Variants in RABGAP1 observed in about 807,000 individuals in gnomAD.
The protein encoded by RABGAP1 is RAB GTPase activating protein 1.
Under a neutral mutation model 137.6 loss-of-function variants are expected in RABGAP1, and 23 were observed. The observed-to-expected ratio is 0.17, with a 90% CI of 0.12 to 0.24. RABGAP1 has a LOEUF of 0.24. RABGAP1 is among the 10% of genes least tolerant of loss of function. The pLI, the probability that RABGAP1 is intolerant of heterozygous loss-of-function variation, is 1.00. For missense variants in RABGAP1, 906 were observed against 1,275.8 expected (o/e 0.71, Z 4.42); for synonymous variants, 451 against 450.7 (o/e 1.00, Z -0.01).
At position 122,945,147 on chromosome 9, in the gene RABGAP1, C is replaced by CTTTTTTTTTTTTTTTT. The variant is rs202090815; in HGVS notation, c.-50+4055_-50+4070dup. ...CACCATGTATACATCATAGCTGTTG[C>CTTTTTTTTTTTTTTTT]TTTTTTTTTTTTTTTTAGCATAAAC... is the stretch of plus-strand genomic sequence containing the variant. On this transcript the variant is annotated intron_variant, in intron 1 of 25. Coordinates refer to ENST00000373647, the MANE Select transcript of RABGAP1 (RefSeq NM_012197.4). Among the ~76,000 whole-genome samples, 133 of 75,796 alleles carry CTTTTTTTTTTTTTTTT rather than the reference C, an allele frequency of 1.8e-3. 31 individuals carry two copies. The highest frequency in any genetic ancestry group is 2.7e-3 in the African/African-American group (66 of 24,712). 49.7% of individuals were successfully genotyped at this position (75,796 alleles called of 152,430 possible).
chr9:122,959,565 G>A (rs1834739473), intron 2 of RABGAP1, among the ~76,000 whole-genome samples: 1 of 152,100 alleles, frequency 6.6e-6, no homozygotes, highest in African/African-American at 2.4e-5. Context: ...TACAGCAAAT[G>A]AAAAAACATT....
chr9:123,055,153 T>A (rs1488579585), intron 13 of RABGAP1, among the ~76,000 whole-genome samples: 2 of 152,184 alleles, frequency 1.3e-5, no homozygotes, highest in Non-Finnish European at 2.9e-5. Flanking sequence ...ATTTATTCAA[T>A]CATTTATTTA....
In RABGAP1 at chr9:123,070,473, TTA is replaced by T; in HGVS notation, c.1983+52_1983+53del. ...GACTTAACACATGGCCTCCCTCAGC[TTA>T]TACTAACCTTAGGCTTGAGCATGGT... On this transcript the variant is annotated intron_variant, in intron 15 of 25. Transcript: ENST00000373647. This position sits in a 1 kb window ranked among gnomAD's most constrained non-coding sequence, Gnocchi z 4.4. 1 of 1,613,264 alleles carries T rather than the reference TTA, an allele frequency of 6.2e-7. No individual in the cohort carries two copies. Among genetic ancestry groups the T allele is most frequent in the Non-Finnish European group, 8.5e-7 (1 of 1,179,630 alleles).
At chr9:123,046,724 G>A (rs556558037) in intron 13 of RABGAP1, among the ~76,000 whole-genome samples, 1 of 152,220 alleles carries the variant, frequency 6.6e-6, no homozygotes, top group South Asian at 2.1e-4. Flanking sequence ...GAAGTTTTAA[G>A]TTGAGATATA....
rs774495287 is a variant in RABGAP1 at position 123,020,346 on chromosome 9, T to A, written c.1681T>A (p.Ser561Thr). 3.0e-5 allele frequency: 48 copies of A among 1,598,384 alleles called. No individual in the cohort carries two copies. In the East Asian group the frequency reaches 1.1e-3, roughly 35 times the overall value. ...NLNVRPKQLS[S>T]LVRNGVPEAL... ...GAATGTGAGACCGAAGCAGTTGTCATCCTTAGTAAGAAACGGTGTCCCTGA... is the reference window on the plus strand; with the variant it reads ...GAATGTGAGACCGAAGCAGTTGTCAACCTTAGTAAGAAACGGTGTCCCTGA... The change falls in exon 13 of 26, where the codon TCC (serine) becomes ACC (threonine). Residue 561 changes from serine to threonine, a missense_variant. By Grantham distance (58) the Ser-to-Thr change is moderately conservative. This residue lies in a region of RABGAP1 where 212 missense variants were observed against 289.4 expected (regional missense o/e 0.73). Transcript: ENST00000373647.
At chr9:123,037,697 T>C (rs533445658) in intron 13 of RABGAP1, among the ~76,000 whole-genome samples, 40 of 152,316 alleles carry the variant, frequency 2.6e-4, no homozygotes, top group Middle Eastern at 3.4e-3. Flanking sequence ...AAAATTGATA[T>C]TAAATCAGCA....
In RABGAP1 at chr9:122,998,599, A is replaced by G. The variant is rs747446893; in HGVS notation, c.1207A>G (p.Lys403Glu). The G allele has an allele frequency of 2.5e-6, 4 of 1,577,470 alleles. No homozygotes were observed. Among genetic ancestry groups the G allele is most frequent in the Non-Finnish European group, 3.5e-6 (4 of 1,157,670 alleles). ...QVVNEETPKD[K>E]VLFMTTAVDL... ...AGCCTCTCTCTTTCTTTGTTTAGAT[A>G]AAGTCCTGTTTATGACCACAGCTGT... The change falls in exon 10 of 26, where the codon AAA becomes GAA. Residue 403 changes from lysine (K) to glutamate (E), a missense_variant and splice_region_variant. Coordinates refer to ENST00000373647, the MANE Select transcript of RABGAP1 (RefSeq NM_012197.4).
chr9:122,989,962 A>G (rs777405730), intron 5 of RABGAP1, 94 bp from the exon 6 acceptor site: 21 of 1,316,828 alleles, frequency 1.6e-5, no homozygotes, highest in Non-Finnish European at 2.1e-5. Flanking sequence ...GATAAAGATA[A>G]TTATTGCCCT....
chr9:122,998,019 A>G (rs1198303136), intron 9 of RABGAP1, among the ~76,000 whole-genome samples: 1 of 152,206 alleles, frequency 6.6e-6, no homozygotes. Flanking sequence ...GATGAGGGTG[A>G]CATAAAGAAG....
intron 25 of RABGAP1, 147 bp downstream of exon 25, chr9:123,101,910 G>C (rs2035357648): frequency 1.1e-5 from 9 of 802,018 alleles, no homozygotes; most frequent in Non-Finnish European, 1.7e-5. Flanking sequence ...TATAGGACTT[G>C]TTACTGGCCA....
At chr9:122,932,742 G>T in the RABGAP1 span, among the ~76,000 whole-genome samples, 2 of 151,272 alleles carry the variant, frequency 1.3e-5, no homozygotes, top group Admixed American at 1.3e-4. Flanking sequence ...GTGTTGGTCA[G>T]GCTGGTGTCG....
chr9:123,073,023 G>A (rs2034404643), intron 15 of RABGAP1, among the ~76,000 whole-genome samples: 1 of 152,176 alleles, frequency 6.6e-6, no homozygotes, highest in South Asian at 2.1e-4. Context: ...ATTACTGCAA[G>A]CCTTAGAATA....
intron 13 of RABGAP1, among the ~76,000 whole-genome samples, chr9:123,058,829 G>C (rs867866056): frequency 6.6e-6 from 1 of 152,166 alleles, no homozygotes; most frequent in South Asian, 2.1e-4. Context: ...TGTTAACTGG[G>C]AGCCACCAGC....
intron 24 of RABGAP1, among the ~76,000 whole-genome samples, chr9:123,100,075 C>T (rs1341523155): frequency 6.6e-6 from 1 of 152,184 alleles, no homozygotes; most frequent in Non-Finnish European, 1.5e-5. Context: ...ATCCCTCCCT[C>T]AGCCTGAGCT....
At chr9:122,972,542 A>G (rs989976103) in intron 2 of RABGAP1, among the ~76,000 whole-genome samples, 2 of 152,266 alleles carry the variant, frequency 1.3e-5, no homozygotes, top group Admixed American at 1.3e-4. Context: ...GTTAGAAATT[A>G]TACCACGTGG....
At chr9:122,956,591 A>G (rs1246906433) in intron 1 of RABGAP1, among the ~76,000 whole-genome samples, 2 of 147,290 alleles carry the variant, frequency 1.4e-5, no homozygotes, top group Non-Finnish European at 3.0e-5. Flanking sequence ...TGGGGCTTGC[A>G]GTGAGCCGAG....
intron 13 of RABGAP1, chr9:123,029,381 G>A (rs772368440): frequency 3.1e-5 from 38 of 1,216,384 alleles, no homozygotes; most frequent in Non-Finnish European, 4.5e-5. Flanking sequence ...ACCTGTTCAT[G>A]CATCTTCACC....
rs559747935 is a variant in RABGAP1 at position 122,960,819 on chromosome 9, C to T, written c.150+3610C>T. Among the ~76,000 whole-genome samples, 13 of 151,972 alleles carry T rather than the reference C, an allele frequency of 8.6e-5. No homozygotes were observed. In the South Asian group the frequency reaches 1.7e-3, roughly 19 times the overall value. On this transcript the variant is annotated intron_variant, in intron 2 of 25. Coordinates refer to ENST00000373647, the MANE Select transcript of RABGAP1 (RefSeq NM_012197.4). ...CACATGAAACAGAGAATATTAATAA[C>T]GAGATAGAAATCATTTTAAAAAGAA...
At chr9:123,051,995 C>T (rs1015970857) in intron 13 of RABGAP1, among the ~76,000 whole-genome samples, 3 of 146,212 alleles carry the variant, frequency 2.1e-5, no homozygotes, top group Non-Finnish European at 3.0e-5. Context: ...TTCGTAGGGA[C>T]GGAGTTTCAC....
Sources: allele counts gnomAD v4.1 joint callset (sites outside exome capture counted in the v4.1 genomes callset), GRCh38; gene constraint gnomAD v4.1.1; regional missense constraint gnomAD v4.1.1; non-coding constraint Gnocchi (gnomAD v3.1); transcripts MANE v1.5; gene names NCBI Gene and HGNC (gene_info 2026-07-23, HGNC 2026-07-21).